The following SGSM1 variants were observed in gnomAD, a reference collection of about 807,000 sequenced individuals.
SGSM1 encodes small G protein signaling modulator 1, also known as RUN and TBC1 domain containing 2.
SGSM1 carries 73 observed loss-of-function variants against 133.8 expected under a neutral mutation model. That is an observed-to-expected ratio of 0.55 (90% CI 0.45 to 0.66). The LOEUF (loss-of-function observed/expected upper bound fraction) is 0.66. Among genes scored for constraint, SGSM1 ranks in the 30% least tolerant of loss-of-function variants. The probability of loss-of-function intolerance (pLI) is 0.00; values close to 1 mark genes in which losing one functional copy is unlikely to be tolerated. For synonymous variants in SGSM1, 563 were observed against 573.0 expected, an observed-to-expected ratio of 0.98 and a Z score of 0.25; for missense variants, 1,213 against 1,448.1, an observed-to-expected ratio of 0.84 and a Z score of 2.64.
chr22:24,831,838 G>A (rs1017567612), intron 2 of SGSM1, among the ~76,000 whole-genome samples: 6 of 152,188 alleles, frequency 3.9e-5, no homozygotes, highest in East Asian at 3.8e-4. Flanking sequence ...CCAACCTAGC[G>A]TGCACTGAAA....
chr22:24,848,536 A>T (rs919006320), intron 4 of SGSM1, among the ~76,000 whole-genome samples: 2 of 152,162 alleles, frequency 1.3e-5, no homozygotes, highest in African/African-American at 4.8e-5. Context: ...GAATGTGTGC[A>T]TGTGAGCACC....
chr22:24,881,007 A>G (rs1180192536), intron 14 of SGSM1, among the ~76,000 whole-genome samples: 1 of 151,958 alleles, frequency 6.6e-6, no homozygotes, highest in Non-Finnish European at 1.5e-5. Context: ...CCTGGTCAAC[A>G]TGGTGAAACC....
At chr22:24,904,990 G>A (rs1933319119) in intron 20 of SGSM1, 115 bp from the exon 21 acceptor site, 2 of 817,216 alleles carry the variant, frequency 2.4e-6, no homozygotes. Context: ...CAGGCAGGAG[G>A]CTGAGGGAGG....
At chr22:24,855,129 C>T (rs2147852364) in intron 6 of SGSM1, 66 bp downstream of exon 6, 2 of 1,567,402 alleles carry the variant, frequency 1.3e-6, no homozygotes, top group African/African-American at 1.3e-5. Flanking sequence ...GCACCTTCTC[C>T]AGGACTCTCT....
chr22:24,818,480 G>A lies in SGSM1; in HGVS notation c.63+11996G>A, dbSNP rs551690894. ...CCTCCCAGGTTCAAGCGATTCTCCTGCCTCAGCCTCCTGAGTAGCTGGGAC... is the reference window on the plus strand; with the variant it reads ...CCTCCCAGGTTCAAGCGATTCTCCTACCTCAGCCTCCTGAGTAGCTGGGAC... On this transcript the variant is annotated intron_variant, in intron 2 of 24. Transcript: ENST00000400358. Among the ~76,000 whole-genome samples, 4 of 151,368 alleles carry A rather than the reference G, an allele frequency of 2.6e-5. No homozygotes were observed. The East Asian group carries it at 8.2e-4, about 31-fold the overall frequency.
intron 21 of SGSM1, among the ~76,000 whole-genome samples, chr22:24,907,691 G>C (rs1032295248): frequency 5.3e-5 from 8 of 152,004 alleles, no homozygotes; most frequent in Non-Finnish European, 7.4e-5. Flanking sequence ...TTGGGAGGCT[G>C]AGGTGGGCAG....
At chr22:24,815,509 G>A (rs1407292448) in intron 2 of SGSM1, among the ~76,000 whole-genome samples, 3 of 152,158 alleles carry the variant, frequency 2.0e-5, no homozygotes, top group Non-Finnish European at 2.9e-5. Flanking sequence ...TTGGGAGGCC[G>A]AGGCAGGCGG....
chr22:24,858,388 G>T lies in SGSM1; in HGVS notation c.802-1328G>T, dbSNP rs550288727. Among the ~76,000 whole-genome samples, 13 of 152,260 alleles carry T rather than the reference G, an allele frequency of 8.5e-5. No homozygotes were observed. The South Asian group carries it at 2.7e-3, about 32-fold the overall frequency. On this transcript the variant is annotated intron_variant, in intron 8 of 24. Transcript: ENST00000400358. ...CTAGAACTTTGGGAGGCCAAGGCGG[G>T]TGGATTACCTGAGATCAGGAGTTTG...
chr22:24,910,180 G>A (rs1933566506), intron 21 of SGSM1, among the ~76,000 whole-genome samples: 1 of 152,176 alleles, frequency 6.6e-6, no homozygotes, highest in South Asian at 2.1e-4. Flanking sequence ...CGTTGACAGG[G>A]ACTTGGGGGA....
intron 2 of SGSM1, among the ~76,000 whole-genome samples, chr22:24,822,537 A>T (rs368601583): frequency 6.6e-6 from 1 of 152,172 alleles, no homozygotes; most frequent in African/African-American, 2.4e-5. Context: ...GGCATTTAAG[A>T]TAGGACATTT....
Position 24,855,625 on chromosome 22 carries a change from A to T in SGSM1, c.746A>T (p.His249Leu). ...LSARDYVESLHQNSRATLLYG... is the reference protein window; with the variant it reads ...LSARDYVESLLQNSRATLLYG... ...GCCCGCGACTACGTGGAGTCCCTGC[A>T]TCAGAACTCCCGTGCCACCCTTCTC... The change falls in exon 8 of 25, where the codon CAT becomes CTT. Residue 249 changes from histidine (H) to leucine (L), a missense_variant. Transcript: ENST00000400358. 6.2e-7 allele frequency: 1 copy of T among 1,613,990 alleles called. No homozygotes were observed. The highest frequency in any genetic ancestry group is 1.6e-4 in the Middle Eastern group (1 of 6,062).
At chr22:24,806,588 C>T in intron 2 of SGSM1, 104 bp downstream of exon 2, 2 of 1,367,500 alleles carry the variant, frequency 1.5e-6, no homozygotes, top group Non-Finnish European at 1.9e-6. Flanking sequence ...GGGGGGGCGG[C>T]CAGAACAGGT....
chr22:24,903,022 AC>A (rs1416637063), intron 20 of SGSM1, among the ~76,000 whole-genome samples: 1 of 152,186 alleles, frequency 6.6e-6, no homozygotes, highest in Non-Finnish European at 1.5e-5. Context: ...AGCCCGGGCA[AC>A]AGAATGAGAC....
chr22:24,879,320 A>T, intron 13 of SGSM1, 142 bp from the exon 14 acceptor site: 1 of 692,378 alleles, frequency 1.4e-6, no homozygotes, highest in Non-Finnish European at 2.5e-6. Flanking sequence ...GTACAGGTAG[A>T]GGTAATAGCA....
intron 6 of SGSM1, 64 bp from the exon 7 acceptor site, chr22:24,855,221 T>G: frequency 6.4e-7 from 1 of 1,567,160 alleles, no homozygotes; most frequent in Non-Finnish European, 8.7e-7. Context: ...GGCGGCCATC[T>G]GCTGGTAGAC....
chr22:24,897,881 G>A (rs1162415915), intron 18 of SGSM1, 91 bp from the exon 19 acceptor site: 36 of 1,147,882 alleles, frequency 3.1e-5, no homozygotes, highest in African/African-American at 4.6e-5. Context: ...TATTTAAGCC[G>A]ATCACCTGTT....
At chr22:24,920,632 G>A (rs1017020711) in intron 24 of SGSM1, among the ~76,000 whole-genome samples, 2 of 152,096 alleles carry the variant, frequency 1.3e-5, no homozygotes, top group African/African-American at 4.8e-5. Context: ...TATTGCCACT[G>A]TTATCACTAT....
chr22:24,853,807 T>C (rs560230656), intron 5 of SGSM1, among the ~76,000 whole-genome samples: 37 of 143,154 alleles, frequency 2.6e-4, no homozygotes, highest in East Asian at 2.0e-3. Flanking sequence ...TTAGTAGGTA[T>C]GGGGTTTCAC....
chr22:24,824,258 C>T (rs758979232), intron 2 of SGSM1, among the ~76,000 whole-genome samples: 10 of 152,002 alleles, frequency 6.6e-5, no homozygotes, highest in Non-Finnish European at 4.4e-5. Flanking sequence ...TGGGCAAGGA[C>T]CAGGAGGTGG....
Sources: gnomAD v4.1 joint callset for allele counts (sites outside exome capture counted in the v4.1 genomes callset) on GRCh38, gnomAD v4.1.1 for gene constraint, MANE v1.5 for transcripts, NCBI Gene and HGNC (gene_info 2026-07-23, HGNC 2026-07-21) for gene names.